Variants in REDIC1 observed in about 807,000 individuals in gnomAD.
The protein encoded by REDIC1 is regulator of DNA class I crossover intermediates 1, also known as HEI10 Interacting Protein 1.
chr12:39,701,096 T>A, the REDIC1 span, among the ~76,000 whole-genome samples: 9 of 67,630 alleles, frequency 1.3e-4, no homozygotes, highest in Admixed American at 6.5e-4. Flanking sequence ...ATATTAACTT[T>A]AAATGTAAAT....
the REDIC1 span, among the ~76,000 whole-genome samples, chr12:39,651,586 C>G: frequency 9.2e-5 from 14 of 152,208 alleles, no homozygotes; most frequent in Admixed American, 8.5e-4. Context: ...GTTGTCAATT[C>G]TGTATTTTAA....
At chr12:39,790,327 G>A in the REDIC1 span, among the ~76,000 whole-genome samples, 12 of 149,854 alleles carry the variant, frequency 8.0e-5, no homozygotes, top group South Asian at 4.3e-4. Context: ...CCACTAACGC[G>A]TCATCTAGCA....
At chr12:39,828,228 C>A in the REDIC1 span, among the ~76,000 whole-genome samples, 1 of 152,092 alleles carries the variant, frequency 6.6e-6, no homozygotes, top group African/African-American at 2.4e-5. Flanking sequence ...AGCACCGTTG[C>A]TCAGCACAGG....
At chr12:39,838,237 A>T in the REDIC1 span, among the ~76,000 whole-genome samples, 1 of 151,036 alleles carries the variant, frequency 6.6e-6, no homozygotes, top group Non-Finnish European at 1.5e-5. Context: ...AAACTGTCGC[A>T]AGATCAAAAA....
At chr12:39,721,515 C>T in the REDIC1 span, 74 of 332,982 alleles carry the variant, frequency 2.2e-4, no homozygotes, top group African/African-American at 1.3e-3. Context: ...AATGTACTAG[C>T]GTTTTTATGT....
At chr12:39,672,829 C>T in the REDIC1 span, among the ~76,000 whole-genome samples, 2 of 152,100 alleles carry the variant, frequency 1.3e-5, no homozygotes, top group African/African-American at 4.8e-5. Flanking sequence ...TTTTTTGGGC[C>T]CTGGGGCAGG....
chr12:39,712,440 A>ATACG, the REDIC1 span, among the ~76,000 whole-genome samples: 2 of 66,402 alleles, frequency 3.0e-5, no homozygotes, highest in Admixed American at 3.5e-4. Context: ...ATACATACGT[A>ATACG]TATGTATACA....
chr12:39,733,824 C>T, the REDIC1 span, among the ~76,000 whole-genome samples: 1 of 152,180 alleles, frequency 6.6e-6, no homozygotes, highest in African/African-American at 2.4e-5. Context: ...GCCAGCGGAT[C>T]TTATCTTGAA....
At chr12:39,719,906 T>A in the REDIC1 span, among the ~76,000 whole-genome samples, 3 of 152,130 alleles carry the variant, frequency 2.0e-5, no homozygotes, top group Non-Finnish European at 4.4e-5. Context: ...TTAAGACGTA[T>A]CTACTAGCTA....
the REDIC1 span, among the ~76,000 whole-genome samples, chr12:39,783,990 A>T: frequency 6.6e-6 from 1 of 152,222 alleles, no homozygotes; most frequent in Admixed American, 6.5e-5. Context: ...TTCAAAGAGA[A>T]TAAAATACCT....
the REDIC1 span, among the ~76,000 whole-genome samples, chr12:39,834,601 T>C: frequency 6.6e-6 from 1 of 152,128 alleles, no homozygotes; most frequent in Non-Finnish European, 1.5e-5. Flanking sequence ...TACCATTTCG[T>C]TCAGGGAAAG....
At chr12:39,738,272 C>G in the REDIC1 span, among the ~76,000 whole-genome samples, 1 of 152,168 alleles carries the variant, frequency 6.6e-6, no homozygotes, top group African/African-American at 2.4e-5. Context: ...GTTGCCTGCT[C>G]TTGGCCATTT....
At chr12:39,714,025 GTA>G in the REDIC1 span, among the ~76,000 whole-genome samples, 46 of 12,296 alleles carry the variant, frequency 3.7e-3, no homozygotes, top group African/African-American at 7.7e-3. Context: ...GTTTATATAA[GTA>G]TATATACATG....
the REDIC1 span, among the ~76,000 whole-genome samples, chr12:39,866,808 G>GT: frequency 6.6e-6 from 1 of 152,304 alleles, no homozygotes; most frequent in East Asian, 1.9e-4. Context: ...TAACATGTTA[G>GT]TTATTATGCT....
chr12:39,688,282 A>G, the REDIC1 span, among the ~76,000 whole-genome samples: 8 of 152,356 alleles, frequency 5.3e-5, no homozygotes, highest in South Asian at 1.7e-3. Context: ...GGTTATTAGT[A>G]ACAGATACTT....
At chr12:39,744,508 G>A in the REDIC1 span, among the ~76,000 whole-genome samples, 3 of 152,128 alleles carry the variant, frequency 2.0e-5, no homozygotes, top group African/African-American at 7.2e-5. Context: ...TTATGTATAA[G>A]TGCAATGAAT....
the REDIC1 span, among the ~76,000 whole-genome samples, chr12:39,726,298 C>A: frequency 1.4e-3 from 212 of 152,202 alleles, 1 homozygote; most frequent in Middle Eastern, 0.014. Context: ...TCTCCTAATG[C>A]TATTCCCTCC....
the REDIC1 span, among the ~76,000 whole-genome samples, chr12:39,736,156 T>C: frequency 1.3e-5 from 2 of 152,236 alleles, no homozygotes; most frequent in African/African-American, 4.8e-5. Flanking sequence ...GGAGATGCTA[T>C]GCTGCATTAT....
chr12:39,699,690 C>A, the REDIC1 span, among the ~76,000 whole-genome samples: 4 of 152,308 alleles, frequency 2.6e-5, no homozygotes, highest in Non-Finnish European at 5.9e-5. Flanking sequence ...CTTAAATGTC[C>A]CTGTCTGACA....
Sources: allele counts gnomAD v4.1 joint callset (sites outside exome capture counted in the v4.1 genomes callset), GRCh38; gene constraint gnomAD v4.1.1; transcripts MANE v1.5; gene names NCBI Gene and HGNC (gene_info 2026-07-23, HGNC 2026-07-21).